The following CDH11 variants were observed in gnomAD, a reference collection of about 807,000 sequenced individuals.
CDH11 encodes cadherin 11, also known as cadherin-11.
CDH11 carries 11 observed loss-of-function variants against 67.8 expected under a neutral mutation model. The observed-to-expected ratio is 0.16, with a 90% CI of 0.10 to 0.27. CDH11 has a LOEUF of 0.27. Among genes scored for constraint, CDH11 ranks in the 10% least tolerant of loss-of-function variants. The probability of loss-of-function intolerance (pLI) is 1.00; values close to 1 mark genes in which losing one functional copy is unlikely to be tolerated. For missense variants in CDH11, 847 were observed against 1,031.2 expected, an observed-to-expected ratio of 0.82 and a Z score of 2.45; for synonymous variants, 419 against 400.0, an observed-to-expected ratio of 1.05 and a Z score of -0.57.
intron 1 of CDH11, among the ~76,000 whole-genome samples, chr16:65,104,904 C>A (rs2142866644): frequency 6.6e-6 from 1 of 152,256 alleles, no homozygotes; most frequent in Middle Eastern, 3.4e-3. Flanking sequence ...TGGTAGTATT[C>A]TCAATTTCAT....
intron 2 of CDH11, among the ~76,000 whole-genome samples, chr16:65,008,983 T>C (rs544578267): frequency 2.6e-5 from 4 of 152,264 alleles, no homozygotes; most frequent in African/African-American, 9.6e-5. Flanking sequence ...ATTATTGCTA[T>C]TCCCATTTTA....
At chr16:64,989,637 G>A (rs967714250) in intron 6 of CDH11, among the ~76,000 whole-genome samples, 4 of 152,226 alleles carry the variant, frequency 2.6e-5, no homozygotes, top group Admixed American at 2.6e-4. Context: ...AGGAAGTGGA[G>A]GCCAAATTGC....
rs149653828 is a variant in CDH11 at position 65,062,907 on chromosome 16, G to A, written c.-297-8979C>T. ...GCACAAATTTGAATTTGGCCACAGAGGGGCTGACGTGAGCCAGGGAGAGAG... is the reference window on the plus strand; with the variant it reads ...GCACAAATTTGAATTTGGCCACAGAAGGGCTGACGTGAGCCAGGGAGAGAG... On this transcript the variant is annotated intron_variant, in intron 1 of 12. Transcript: ENST00000268603. Among the ~76,000 whole-genome samples, 362 of 152,324 alleles carry A rather than the reference G, an allele frequency of 2.4e-3. 1 individual carries two copies. Among genetic ancestry groups the A allele is most frequent in the African/African-American group, 8.0e-3 (333 of 41,566 alleles).
intron 6 of CDH11, among the ~76,000 whole-genome samples, chr16:64,990,833 C>T (rs922819419): frequency 2.0e-5 from 3 of 152,164 alleles, no homozygotes; most frequent in African/African-American, 7.2e-5. Flanking sequence ...TTGTTGACGA[C>T]TTATAGACAG....
chr16:65,017,122 A>G (rs1308967591), intron 2 of CDH11, among the ~76,000 whole-genome samples: 2 of 152,124 alleles, frequency 1.3e-5, no homozygotes, highest in Non-Finnish European at 2.9e-5. Context: ...TCCCTTTATC[A>G]GTAGGGTCTT....
chr16:65,094,749 A>T (rs2074857875), intron 1 of CDH11: 1 of 152,156 alleles, frequency 6.6e-6, no homozygotes, highest in Admixed American at 6.5e-5. Flanking sequence ...TTATCAAGGG[A>T]CTTAAAGGAG....
intron 11 of CDH11, among the ~76,000 whole-genome samples, chr16:64,956,240 G>T (rs1198941572): frequency 1.3e-5 from 2 of 152,182 alleles, no homozygotes; most frequent in Non-Finnish European, 2.9e-5. Flanking sequence ...TGTCATCTGT[G>T]AAACTAATAA....
intron 2 of CDH11, among the ~76,000 whole-genome samples, chr16:65,041,123 G>C (rs1376099751): frequency 6.6e-6 from 1 of 152,212 alleles, no homozygotes; most frequent in African/African-American, 2.4e-5. Flanking sequence ...GGGCAATTGT[G>C]TAACACTTTG....
intron 7 of CDH11, chr16:64,986,987 T>C (rs1051736619): frequency 3.3e-5 from 5 of 152,196 alleles, no homozygotes; most frequent in Admixed American, 2.6e-4. Context: ...GGCCTCTTTA[T>C]TGATGCTTCA....
chr16:65,050,615 C>T (rs2074038338), intron 2 of CDH11, among the ~76,000 whole-genome samples: 1 of 139,222 alleles, frequency 7.2e-6, no homozygotes, highest in African/African-American at 2.4e-5. Flanking sequence ...AATTCTTTTC[C>T]ATCAAGAAGA....
chr16:64,948,161 C>T, intron 12 of CDH11, 62 bp from the exon 13 acceptor site: 1 of 1,553,540 alleles, frequency 6.4e-7, no homozygotes, highest in Non-Finnish European at 8.7e-7. Flanking sequence ...GTTCTTCTGC[C>T]AGAGGAACTC....
In CDH11 at chr16:64,945,922, T is replaced by A. The variant is rs1756560345; in HGVS notation, c.*1681A>T. 9.4e-7 allele frequency: 1 copy of A among 1,058,260 alleles called. No homozygotes were observed. The highest frequency in any genetic ancestry group is 1.6e-5 in the African/African-American group (1 of 60,684). The allele number at this position is 1,058,260 out of a possible 1,614,324, so 65.6% of individuals were successfully genotyped here. A position where few individuals can be genotyped will look rare whatever the true frequency, so the allele number is the denominator to read the frequency against. ...TGTAGGGGGAAAGAGGGAAAGCACT[T>A]GCAGTGTGACTTTATGTGGTCTTTC... On this transcript the variant is annotated 3_prime_UTR_variant, in exon 13 of 13. Coordinates refer to ENST00000268603, the MANE Select transcript of CDH11 (RefSeq NM_001797.4).
In CDH11 at chr16:65,096,443, G is replaced by GTGTGTGTGTA. The variant is rs71143551; in HGVS notation, c.-298+25436_-298+25437insTACACACACA. 1.9e-3 allele frequency among the ~76,000 whole-genome samples: 258 copies of GTGTGTGTGTA among 138,436 alleles called. 1 individual carries two copies. Among genetic ancestry groups the GTGTGTGTGTA allele is most frequent in the South Asian group, 7.5e-3 (31 of 4,140 alleles). 90.8% of individuals were successfully genotyped at this position (138,436 alleles called of 152,430 possible). A position where few individuals can be genotyped will look rare whatever the true frequency, so the allele number is the denominator to read the frequency against. ...TGTGTGTGTGTGTGTGTGTGTGTGT[G>GTGTGTGTGTA]TATATATATGTTTATATATGTGTGT... On this transcript the variant is annotated intron_variant, in intron 1 of 12. Coordinates refer to ENST00000268603, the MANE Select transcript of CDH11 (RefSeq NM_001797.4).
At chr16:65,002,987 G>A (rs1373802007) in intron 3 of CDH11, among the ~76,000 whole-genome samples, 1 of 146,794 alleles carries the variant, frequency 6.8e-6, no homozygotes, top group Non-Finnish European at 1.5e-5. Context: ...CCTCTTTGAG[G>A]TTAGGAGCTA....
In CDH11 at chr16:64,950,875, C is replaced by T. The variant is rs374274441; in HGVS notation, c.1786G>A (p.Asp596Asn). The T allele has an allele frequency of 2.5e-6, 4 of 1,614,218 alleles. No homozygotes were observed. The highest frequency in any genetic ancestry group is 2.2e-5 in the South Asian group (2 of 91,088). Residue 596 changes from aspartate (D) to asparagine (N), a missense_variant, in exon 12 of 13, where the codon GAC becomes AAC. Asp to Asn is a conservative substitution (Grantham distance 23). Around this residue, in one of 2 missense-constraint regions of CDH11, gnomAD observed 612 missense variants for 678.7 expected, o/e 0.90. Coordinates refer to ENST00000268603, the MANE Select transcript of CDH11 (RefSeq NM_001797.4). ...CAGGAGAGCAGTGCCCCGTTCACGT[C>T]GCACCCGCAGACTTTGATGGTGAGG... is the stretch of plus-strand genomic sequence containing the variant. ...NTLTIKVCGC[D>N]VNGALLSCNA...
rs143980473 is a variant in CDH11 at position 64,947,470 on chromosome 16, T to G, written c.*133A>C. 810 of 1,486,434 alleles carry G rather than the reference T, an allele frequency of 5.4e-4. 7 individuals are homozygous for G. In the African/African-American group the frequency reaches 8.7e-3, roughly 16 times the overall value. The allele number at this position is 1,486,434 out of a possible 1,614,324, so 92.1% of individuals were successfully genotyped here. ...TTGATGTCCTCGCAGTTTTATTAAA[T>G]GTATCCTCTCTGTAAAACTTTGCCT... is the stretch of plus-strand genomic sequence containing the variant. On this transcript the variant is annotated 3_prime_UTR_variant, in exon 13 of 13. Coordinates refer to ENST00000268603, the MANE Select transcript of CDH11 (RefSeq NM_001797.4).
chr16:65,064,139 G>C (rs140662345), intron 1 of CDH11, among the ~76,000 whole-genome samples: 1 of 152,298 alleles, frequency 6.6e-6, no homozygotes, highest in African/African-American at 2.4e-5. Flanking sequence ...ATGGTCCTCA[G>C]AGAAGGCCCA....
intron 1 of CDH11, among the ~76,000 whole-genome samples, chr16:65,075,137 A>G (rs548166310): frequency 1.3e-5 from 2 of 152,202 alleles, no homozygotes; most frequent in Non-Finnish European, 2.9e-5. Context: ...GTGGGTGTGC[A>G]CTGCCAGCCT....
chr16:65,099,761 C>T (rs529288592), intron 1 of CDH11, among the ~76,000 whole-genome samples: 9 of 152,188 alleles, frequency 5.9e-5, no homozygotes, highest in East Asian at 1.9e-4. Flanking sequence ...AGAAGCTAGA[C>T]GACTCCATGA....
Sources: allele counts gnomAD v4.1 joint callset (sites outside exome capture counted in the v4.1 genomes callset), GRCh38; gene constraint gnomAD v4.1.1; regional missense constraint gnomAD v4.1.1; transcripts MANE v1.5; gene names NCBI Gene and HGNC (gene_info 2026-07-23, HGNC 2026-07-21).